Variants in PXDNL observed in about 807,000 individuals in gnomAD.
PXDNL encodes the protein probable oxidoreductase PXDNL.
A neutral mutation model predicts 150.8 loss-of-function variants in PXDNL; 145 were observed. That is an observed-to-expected ratio of 0.96 (90% CI 0.84 to 1.10). PXDNL has a LOEUF of 1.10. Among genes scored for constraint, PXDNL ranks in the 50% least tolerant of loss-of-function variants. PXDNL has a pLI of 0.00. For synonymous variants in PXDNL, 757 were observed against 725.7 expected (o/e 1.04, Z -0.69); for missense variants, 2,087 against 1,873.9 (o/e 1.11, Z -2.10).
At chr8:51,717,989 G>A (rs1333260480) in intron 1 of PXDNL, among the ~76,000 whole-genome samples, 1 of 152,142 alleles carries the variant, frequency 6.6e-6, no homozygotes, top group Non-Finnish European at 1.5e-5. Context: ...TGTCCTTTGA[G>A]CAAATGAGCT....
chr8:51,337,602 G>C (rs969717922), intron 21 of PXDNL, among the ~76,000 whole-genome samples: 1 of 152,184 alleles, frequency 6.6e-6, no homozygotes, highest in Non-Finnish European at 1.5e-5. Context: ...GACTGGGCTG[G>C]GCATGGTGGC....
chr8:51,425,434 C>G (rs1384185529), intron 13 of PXDNL, among the ~76,000 whole-genome samples: 1 of 152,050 alleles, frequency 6.6e-6, no homozygotes, highest in African/African-American at 2.4e-5. Flanking sequence ...CGTACAGTGT[C>G]GAATAAGGCT....
At chr8:51,504,275 A>G (rs1490990494) in intron 4 of PXDNL, among the ~76,000 whole-genome samples, 1 of 152,176 alleles carries the variant, frequency 6.6e-6, no homozygotes, top group Admixed American at 6.5e-5. Context: ...TTTAATTTCT[A>G]TAGAAATAAA....
At chr8:51,391,958 A>C (rs1319759474) in intron 17 of PXDNL, among the ~76,000 whole-genome samples, 1 of 152,160 alleles carries the variant, frequency 6.6e-6, no homozygotes, top group Non-Finnish European at 1.5e-5. Flanking sequence ...TCTACATATG[A>C]CTAGCCAGTT....
chr8:51,372,843 A>G (rs1057146961), intron 18 of PXDNL, among the ~76,000 whole-genome samples: 2 of 152,256 alleles, frequency 1.3e-5, no homozygotes, highest in African/African-American at 4.8e-5. Flanking sequence ...TCAATTTTAA[A>G]TGAAAGGATA....
At chr8:51,320,294 A>G (rs1431033146) in intron 22 of PXDNL, among the ~76,000 whole-genome samples, 2 of 152,212 alleles carry the variant, frequency 1.3e-5, no homozygotes, top group African/African-American at 2.4e-5. Context: ...GCATTTCTAC[A>G]TGGCTGGAAA....
chr8:51,474,555 T>C lies in PXDNL; in HGVS notation c.694+417A>G, dbSNP rs1810428409. 3.3e-5 allele frequency among the ~76,000 whole-genome samples: 5 copies of C among 152,216 alleles called. No homozygotes were observed. In the South Asian group the frequency reaches 1.0e-3, roughly 31 times the overall value. ...TTTAAAAAATCAATTACTGAATTTG[T>C]TGAGGGCTTTCTCAGCAATGAATAT... On this transcript the variant is annotated intron_variant, in intron 7 of 22. Coordinates refer to ENST00000356297, the MANE Select transcript of PXDNL (RefSeq NM_144651.5).
At chr8:51,581,709 A>C (rs1813216691) in intron 3 of PXDNL, among the ~76,000 whole-genome samples, 1 of 152,058 alleles carries the variant, frequency 6.6e-6, no homozygotes, top group Admixed American at 6.6e-5. Flanking sequence ...CCTGGCTTTG[A>C]TTTCAGAGCA....
At chr8:51,417,497 G>A (rs1808829508) in intron 14 of PXDNL, among the ~76,000 whole-genome samples, 1 of 152,080 alleles carries the variant, frequency 6.6e-6, no homozygotes, top group African/African-American at 2.4e-5. Context: ...CCTAGAGATG[G>A]GATGCAGAAA....
intron 5 of PXDNL, among the ~76,000 whole-genome samples, chr8:51,490,295 T>C (rs1810860818): frequency 6.6e-6 from 1 of 152,186 alleles, no homozygotes; most frequent in African/African-American, 2.4e-5. Context: ...TGAGCATGTT[T>C]CCTGATCCTA....
chr8:51,468,034 A>C (rs994652284), intron 8 of PXDNL, among the ~76,000 whole-genome samples: 16 of 152,040 alleles, frequency 1.1e-4, no homozygotes, highest in Admixed American at 7.2e-4. Flanking sequence ...AAAGAAAGGG[A>C]TTTTTATGAA....
intron 21 of PXDNL, among the ~76,000 whole-genome samples, chr8:51,338,348 G>A (rs6996951): frequency 2.6e-5 from 4 of 152,014 alleles, no homozygotes; most frequent in Non-Finnish European, 2.9e-5. Context: ...TAATCACACC[G>A]CTCCACCTGG....
At chr8:51,510,717 C>T (rs183537348) in intron 4 of PXDNL, among the ~76,000 whole-genome samples, 12 of 152,122 alleles carry the variant, frequency 7.9e-5, no homozygotes, top group Admixed American at 7.2e-4. Flanking sequence ...TTCCTGGGGC[C>T]GGCCACTATG....
chr8:51,613,574 C>T (rs1360280330), intron 2 of PXDNL, among the ~76,000 whole-genome samples: 1 of 151,986 alleles, frequency 6.6e-6, no homozygotes, highest in Non-Finnish European at 1.5e-5. Flanking sequence ...ACCAGAATTA[C>T]TAAGAAGTCG....
At chr8:51,339,026 A>T (rs1232430077) in intron 21 of PXDNL, among the ~76,000 whole-genome samples, 2 of 152,222 alleles carry the variant, frequency 1.3e-5, no homozygotes, top group African/African-American at 4.8e-5. Flanking sequence ...CTGGTGAGGC[A>T]GTTGGAAGCA....
chr8:51,423,557 G>A lies in PXDNL; in HGVS notation c.1795+18C>T, dbSNP rs1349699271. The A allele has an allele frequency of 9.3e-6, 15 of 1,605,850 alleles. No individual in the cohort carries two copies. Among genetic ancestry groups the A allele is most frequent in the Non-Finnish European group, 1.3e-5 (15 of 1,175,226 alleles). ...AGACAGTTATTTGGATGTTGTAAAT[G>A]GAGCTATAGACACCTACCCGTGACT... On this transcript the variant is annotated intron_variant, in intron 14 of 22. Coordinates refer to ENST00000356297, the MANE Select transcript of PXDNL (RefSeq NM_144651.5).
chr8:51,501,257 C>T (rs1327106049), intron 4 of PXDNL, among the ~76,000 whole-genome samples: 2 of 152,072 alleles, frequency 1.3e-5, no homozygotes, highest in African/African-American at 4.8e-5. Context: ...ACCTTGGTTG[C>T]CTTGAATTAT....
chr8:51,508,657 A>G (rs1811343367), intron 4 of PXDNL, among the ~76,000 whole-genome samples: 1 of 152,144 alleles, frequency 6.6e-6, no homozygotes, highest in Non-Finnish European at 1.5e-5. Context: ...AGCATCCAGT[A>G]CCAGGAACAT....
chr8:51,345,860 T>A lies in PXDNL; in HGVS notation c.3989A>T (p.Asp1330Val), dbSNP rs1351942075. ...SAQYSYPVDKDMELSHLRSRQ... is the reference protein window; with the variant it reads ...SAQYSYPVDKVMELSHLRSRQ... ...ACTTCTTAGATGACTTAACTCCATA[T>A]CCTTATCAACAGGATAGCTGTATTG... is the stretch of plus-strand genomic sequence containing the variant. Residue 1330 changes from aspartate (D) to valine (V), a missense_variant, in exon 20 of 23, where the codon GAT (aspartate) becomes GTT (valine). By Grantham distance (152) the Asp-to-Val change is radical. Coordinates refer to ENST00000356297, the MANE Select transcript of PXDNL (RefSeq NM_144651.5). 6.2e-7 allele frequency: 1 copy of A among 1,612,520 alleles called. No homozygotes were observed. The highest frequency in any genetic ancestry group is 8.5e-7 in the Non-Finnish European group (1 of 1,178,514).
Sources: gnomAD v4.1 joint callset for allele counts (sites outside exome capture counted in the v4.1 genomes callset) on GRCh38, gnomAD v4.1.1 for gene constraint, MANE v1.5 for transcripts, NCBI Gene and HGNC (gene_info 2026-07-23, HGNC 2026-07-21) for gene names.